LYRM4: variants seen among roughly 807,000 people sequenced by gnomAD.
LYRM4 encodes LYR motif-containing protein 4.
LYRM4 carries 9 observed loss-of-function variants against 11.7 expected under a neutral mutation model. That is an observed-to-expected ratio of 0.77 (90% CI 0.46 to 1.34). LYRM4 has a LOEUF of 1.34. LYRM4 is among the 40% of genes most tolerant of loss of function. The pLI, the probability that LYRM4 is intolerant of heterozygous loss-of-function variation, is 0.00. For missense variants in LYRM4, 133 were observed against 112.5 expected, an observed-to-expected ratio of 1.18 and a Z score of -0.82; for synonymous variants, 42 against 40.4, an observed-to-expected ratio of 1.04 and a Z score of -0.15.
intron 2 of LYRM4, 23 bp downstream of exon 2, chr6:5,216,595 A>T: frequency 6.2e-7 from 1 of 1,613,320 alleles, no homozygotes; most frequent in Non-Finnish European, 8.5e-7. Context: ...AATGAAAAAC[A>T]GTACATCATT....
intron 1 of LYRM4, among the ~76,000 whole-genome samples, chr6:5,224,875 A>G (rs547656499): frequency 2.0e-5 from 3 of 152,106 alleles, no homozygotes. Context: ...CAGAAGAACC[A>G]CTTGAACCTC....
At chr6:5,100,841 T>C (rs1762476401), downstream of LYRM4, among the ~76,000 whole-genome samples, 1 of 152,232 alleles carries the variant, frequency 6.6e-6, no homozygotes, top group African/African-American at 2.4e-5. Flanking sequence ...GCTGGTGTTA[T>C]CTTTGCTTCG....
At chr6:5,064,254 G>A in the LYRM4 span, among the ~76,000 whole-genome samples, 7 of 152,094 alleles carry the variant, frequency 4.6e-5, no homozygotes, top group African/African-American at 1.7e-4. Flanking sequence ...TTCCCACCTA[G>A]CCCGGAAAAG....
intron 2 of LYRM4, among the ~76,000 whole-genome samples, chr6:5,111,447 G>A (rs1303428606): frequency 6.6e-6 from 1 of 152,140 alleles, no homozygotes; most frequent in Non-Finnish European, 1.5e-5. Flanking sequence ...GTTATGGGAC[G>A]GCATAAGAAG....
At chr6:5,084,287 G>A in the LYRM4 span, among the ~76,000 whole-genome samples, 6 of 152,184 alleles carry the variant, frequency 3.9e-5, no homozygotes, top group African/African-American at 1.2e-4. Context: ...GTACCACGAC[G>A]CGCTTCCCCA....
At chr6:5,077,101 T>C in the LYRM4 span, among the ~76,000 whole-genome samples, 1 of 152,172 alleles carries the variant, frequency 6.6e-6, no homozygotes, top group African/African-American at 2.4e-5. Context: ...ACAGACGCTA[T>C]TCTGGAGCAG....
At chr6:5,187,351 G>T (rs1358772067) in intron 2 of LYRM4, among the ~76,000 whole-genome samples, 1 of 152,198 alleles carries the variant, frequency 6.6e-6, no homozygotes, top group African/African-American at 2.4e-5. Context: ...ATATCAGCTT[G>T]TTCACTACAG....
At chr6:5,141,929 G>A (rs1369806339) in intron 2 of LYRM4, among the ~76,000 whole-genome samples, 1 of 152,166 alleles carries the variant, frequency 6.6e-6, no homozygotes, top group Non-Finnish European at 1.5e-5. Context: ...ACCAGAAGCA[G>A]AGCTGACCCA....
chr6:5,093,870 G>A, the LYRM4 span, among the ~76,000 whole-genome samples: 1 of 152,196 alleles, frequency 6.6e-6, no homozygotes, highest in Non-Finnish European at 1.5e-5. Flanking sequence ...TTTCTTCAGG[G>A]TCTGAAAATG....
chr6:5,181,011 G>A (rs1760038988), intron 2 of LYRM4, among the ~76,000 whole-genome samples: 1 of 152,100 alleles, frequency 6.6e-6, no homozygotes, highest in African/African-American at 2.4e-5. Context: ...ATCCTACAAT[G>A]CAGACTTTAT....
At chr6:5,056,290 C>T in the LYRM4 span, among the ~76,000 whole-genome samples, 1 of 152,138 alleles carries the variant, frequency 6.6e-6, no homozygotes, top group Non-Finnish European at 1.5e-5. Context: ...AATCCAGCCT[C>T]GGATAGATAA....
At chr6:5,047,007 C>T in the LYRM4 span, among the ~76,000 whole-genome samples, 1 of 152,068 alleles carries the variant, frequency 6.6e-6, no homozygotes, top group African/African-American at 2.4e-5. Context: ...GGGAGAATCT[C>T]CTGAGCCCAG....
the LYRM4 span, among the ~76,000 whole-genome samples, chr6:5,035,888 C>A: frequency 3.5e-5 from 5 of 144,256 alleles, no homozygotes; most frequent in Admixed American, 1.4e-4. Flanking sequence ...TCTTATGTTG[C>A]ACTTTTATTT....
chr6:5,218,870 T>C (rs1484340460), intron 1 of LYRM4, among the ~76,000 whole-genome samples: 1 of 152,248 alleles, frequency 6.6e-6, no homozygotes, highest in Admixed American at 6.5e-5. Context: ...CTTTCTTGCA[T>C]AGCCTAATGG....
intron 1 of LYRM4, among the ~76,000 whole-genome samples, chr6:5,254,509 A>G (rs1342624600): frequency 6.6e-6 from 1 of 152,174 alleles, no homozygotes; most frequent in Non-Finnish European, 1.5e-5. Context: ...ATGGCCCAAA[A>G]CCGCAATTAC....
At chr6:5,116,127 A>C in intron 2 of LYRM4, among the ~76,000 whole-genome samples, 1 of 152,214 alleles carries the variant, frequency 6.6e-6, no homozygotes, top group Non-Finnish European at 1.5e-5. Flanking sequence ...ACTGACTCTA[A>C]AATCCGGAGA....
intron 2 of LYRM4, among the ~76,000 whole-genome samples, chr6:5,166,406 G>C (rs1759090221): frequency 1.3e-5 from 2 of 152,240 alleles, no homozygotes; most frequent in African/African-American, 4.8e-5. Flanking sequence ...CCAGCCCACT[G>C]TTTAAGCTGA....
chr6:5,083,220 C>T, the LYRM4 span, among the ~76,000 whole-genome samples: 4 of 152,188 alleles, frequency 2.6e-5, no homozygotes, highest in East Asian at 1.9e-4. Flanking sequence ...CCCAAAGGGT[C>T]GCCACCACCT....
At chr6:5,098,795 C>T (rs1237485757), downstream of LYRM4, among the ~76,000 whole-genome samples, 1 of 152,196 alleles carries the variant, frequency 6.6e-6, no homozygotes, top group Non-Finnish European at 1.5e-5. Context: ...CTGTGTCTCT[C>T]CCTTGCTGAG....
Sources: allele counts gnomAD v4.1 joint callset (sites outside exome capture counted in the v4.1 genomes callset), GRCh38; gene constraint gnomAD v4.1.1; transcripts MANE v1.5; gene names NCBI Gene and HGNC (gene_info 2026-07-23, HGNC 2026-07-21).